The following DLG2 variants were observed in gnomAD, a reference collection of about 807,000 sequenced individuals.
The protein encoded by DLG2 is discs large MAGUK scaffold protein 2, also known as disks large homolog 2.
A neutral mutation model predicts 132.5 loss-of-function variants in DLG2; 45 were observed. That is an observed-to-expected ratio of 0.34 (90% CI 0.27 to 0.44). The LOEUF (loss-of-function observed/expected upper bound fraction) is 0.44, where lower values mean the gene tolerates loss of function less well. Ranked by LOEUF, DLG2 falls within the 20% of genes least tolerant of loss-of-function variation. The pLI is 1.00. For missense variants in DLG2, 1,045 were observed against 1,196.9 expected (o/e 0.87, Z 1.87); for synonymous variants, 424 against 419.6 (o/e 1.01, Z -0.13).
At chr11:83,612,891 A>G (rs1039117055) in intron 19 of DLG2, among the ~76,000 whole-genome samples, 1 of 152,094 alleles carries the variant, frequency 6.6e-6, no homozygotes, top group African/African-American at 2.4e-5. Context: ...GCAGAGTCCA[A>G]GTTAAAATAG....
At chr11:85,273,484 G>A (rs563368191) in intron 4 of DLG2, among the ~76,000 whole-genome samples, 1 of 152,314 alleles carries the variant, frequency 6.6e-6, no homozygotes, top group East Asian at 1.9e-4. Flanking sequence ...CATCTATGTA[G>A]CCAACAGACA....
At chr11:84,805,892 G>A (rs183660291) in intron 6 of DLG2, among the ~76,000 whole-genome samples, 2 of 152,104 alleles carry the variant, frequency 1.3e-5, no homozygotes, top group African/African-American at 4.8e-5. Flanking sequence ...GAAAGTTAAT[G>A]TCATAAAAAT....
intron 16 of DLG2, among the ~76,000 whole-genome samples, chr11:83,835,070 G>A (rs989734826): frequency 1.3e-5 from 2 of 152,180 alleles, no homozygotes; most frequent in African/African-American, 4.8e-5. Context: ...AAGGTGTAAA[G>A]TGCACCTCAC....
At chr11:84,006,802 CTAGGAG>C (rs1711830636) in intron 11 of DLG2, among the ~76,000 whole-genome samples, 1 of 151,498 alleles carries the variant, frequency 6.6e-6, no homozygotes, top group Non-Finnish European at 1.5e-5. Context: ...AAAACTCACT[CTAGGAG>C]ACTTTTTCCC....
At chr11:83,794,987 T>G (rs1195652323) in intron 17 of DLG2, among the ~76,000 whole-genome samples, 2 of 152,224 alleles carry the variant, frequency 1.3e-5, no homozygotes, top group Non-Finnish European at 2.9e-5. Context: ...CAACCTGATC[T>G]AGAAATTATG....
At chr11:84,601,128 C>T (rs1427583840) in intron 6 of DLG2, among the ~76,000 whole-genome samples, 4 of 152,060 alleles carry the variant, frequency 2.6e-5, no homozygotes, top group Admixed American at 1.3e-4. Context: ...ACAGGTAACC[C>T]GCATATATTA....
intron 6 of DLG2, chr11:84,640,136 TG>T: frequency 3.3e-6 from 1 of 301,358 alleles, no homozygotes; most frequent in Non-Finnish European, 6.3e-6. Flanking sequence ...TCAGTCTCCT[TG>T]GAAAGAAAAA....
rs546504592 is a variant in DLG2, at chr11:83,612,610, G to C, written c.1940+20601C>G. 3.3e-5 allele frequency among the ~76,000 whole-genome samples: 5 copies of C among 152,260 alleles called. 1 individual carries two copies. In the South Asian group the frequency reaches 1.0e-3, roughly 32 times the overall value. ...AACTCACCATCTAGGGAGGAAAATA[G>C]TCCCTTAATCTTGGAATTTTCTACA... On this transcript the variant is annotated intron_variant, in intron 19 of 27. Transcript: ENST00000376104.
chr11:84,226,704 G>A (rs914306085), intron 8 of DLG2, among the ~76,000 whole-genome samples: 12 of 152,138 alleles, frequency 7.9e-5, no homozygotes, highest in Admixed American at 4.6e-4. Context: ...CTACAAGTCT[G>A]TTTAATCCTG....
chr11:85,471,736 C>G (rs1379375070), intron 3 of DLG2, among the ~76,000 whole-genome samples: 1 of 152,048 alleles, frequency 6.6e-6, no homozygotes, highest in Admixed American at 6.6e-5. Context: ...CTTGTAAGAG[C>G]AGTCCCAGAA....
intron 5 of DLG2, among the ~76,000 whole-genome samples, chr11:85,127,916 A>C (rs946581910): frequency 1.1e-4 from 17 of 152,326 alleles, no homozygotes; most frequent in Admixed American, 9.2e-4. Flanking sequence ...GCTGTGATAA[A>C]AATATTTTTA....
chr11:85,603,803 G>A (rs1054037779), intron 2 of DLG2, among the ~76,000 whole-genome samples: 1 of 152,012 alleles, frequency 6.6e-6, no homozygotes, highest in African/African-American at 2.4e-5. Context: ...TGCACTCCCA[G>A]CTACTCAGAA....
At chr11:83,872,894 A>G (rs989775486) in intron 16 of DLG2, among the ~76,000 whole-genome samples, 1 of 152,182 alleles carries the variant, frequency 6.6e-6, no homozygotes, top group Non-Finnish European at 1.5e-5. Context: ...CCTTACCTCT[A>G]CTGCAAACAA....
At chr11:83,837,204 T>TA (rs2056420377) in intron 16 of DLG2, among the ~76,000 whole-genome samples, 1 of 152,104 alleles carries the variant, frequency 6.6e-6, no homozygotes. Context: ...GGGTGGAAGT[T>TA]AAGCTTCTTG....
At chr11:84,281,101 A>G (rs1434969319) in intron 7 of DLG2, among the ~76,000 whole-genome samples, 3 of 152,094 alleles carry the variant, frequency 2.0e-5, no homozygotes, top group Non-Finnish European at 4.4e-5. Context: ...TGCAGGGACA[A>G]TTGGTTATCC....
chr11:84,158,253 T>C (rs2095473173), intron 9 of DLG2, among the ~76,000 whole-genome samples: 1 of 152,100 alleles, frequency 6.6e-6, no homozygotes, highest in African/African-American at 2.4e-5. Flanking sequence ...TTAGTAGAGA[T>C]GGGGTTTCAC....
At chr11:83,762,582 ATT>A (rs57587143) in intron 18 of DLG2, among the ~76,000 whole-genome samples, 37 of 143,816 alleles carry the variant, frequency 2.6e-4, no homozygotes, top group African/African-American at 6.6e-4. Context: ...TTAAGTATTA[ATT>A]TTTTTTTTTT....
chr11:83,947,881 C>T (rs899726813), intron 14 of DLG2, among the ~76,000 whole-genome samples: 3 of 152,034 alleles, frequency 2.0e-5, no homozygotes, highest in Non-Finnish European at 2.9e-5. Context: ...TTGTCAAAGG[C>T]GAAATCATGG....
chr11:85,001,047 C>T (rs948909507), intron 6 of DLG2, among the ~76,000 whole-genome samples: 1 of 152,052 alleles, frequency 6.6e-6, no homozygotes, highest in Admixed American at 6.6e-5. Context: ...TAATACAAGA[C>T]AGCAAGAAGA....
Sources: gnomAD v4.1 joint callset for allele counts (sites outside exome capture counted in the v4.1 genomes callset) on GRCh38, gnomAD v4.1.1 for gene constraint, MANE v1.5 for transcripts, NCBI Gene and HGNC (gene_info 2026-07-23, HGNC 2026-07-21) for gene names.